Variants in MS4A14 observed in about 807,000 individuals in gnomAD.
MS4A14 encodes the protein membrane spanning 4-domains A14.
Under a neutral mutation model 16.7 loss-of-function variants are expected in MS4A14, and 18 were observed. The ratio of observed to expected loss-of-function variants is 1.08; its 90% CI spans 0.75 to 1.60. The LOEUF is 1.60. Ranked by LOEUF, MS4A14 falls within the 40% of genes most tolerant of loss-of-function variation. The pLI is 0.00. For missense variants in MS4A14, 812 were observed against 775.3 expected, an observed-to-expected ratio of 1.05 and a Z score of -0.56; for synonymous variants, 305 against 289.4, an observed-to-expected ratio of 1.05 and a Z score of -0.55.
At chr11:60,401,846 C>T (rs759146948) in intron 3 of MS4A14, among the ~76,000 whole-genome samples, 24 of 152,254 alleles carry the variant, frequency 1.6e-4, no homozygotes, top group Non-Finnish European at 3.4e-4. Context: ...TGTTCCTGTG[C>T]ATTTTCTGCC....
Position 60,403,018 on chromosome 11 carries a change from C to T in MS4A14, c.425C>T (p.Pro142Leu). The T allele has an allele frequency of 6.2e-7, 1 of 1,613,842 alleles. No homozygotes were observed. Among genetic ancestry groups the T allele is most frequent in the Non-Finnish European group, 8.5e-7 (1 of 1,179,786 alleles). ...CATCAAGACAAGTACTGCCAGATGC[C>T]ATCCTTTGAAGAAATATGTGTTTTC... is the stretch of plus-strand genomic sequence containing the variant. ...YRHQDKYCQM[P>L]SFEEICVFSR... is the part of the protein sequence containing the mutation. The change falls in exon 4 of 5, where the codon CCA becomes CTA. Residue 142 changes from proline (P) to leucine (L), a missense_variant. By Grantham distance (98) the Pro-to-Leu change is moderately conservative (BLOSUM62 -3). Transcript: ENST00000300187.
chr11:60,396,757 AAAG>A, intron 1 of MS4A14, 41 bp downstream of exon 1: 1 of 1,587,596 alleles, frequency 6.3e-7, no homozygotes, highest in South Asian at 1.1e-5. Context: ...GAAGGGGAGA[AAAG>A]AAGTTTATTT....
At chr11:60,402,348 G>A (rs1326175253) in intron 3 of MS4A14, among the ~76,000 whole-genome samples, 2 of 152,150 alleles carry the variant, frequency 1.3e-5, no homozygotes, top group East Asian at 3.9e-4. Context: ...GGGAATGACT[G>A]TAAACCACAT....
At chr11:60,406,345 C>T (rs1341039743) in intron 4 of MS4A14, among the ~76,000 whole-genome samples, 2 of 152,098 alleles carry the variant, frequency 1.3e-5, no homozygotes, top group African/African-American at 4.8e-5. Context: ...CACAGTTCCA[C>T]CACCACAAAA....
In MS4A14 at chr11:60,416,943, G is replaced by C. The variant is rs755140851; in HGVS notation, c.1975G>C (p.Gly659Arg). Residue 659 changes from glycine (G) to arginine (R), a missense_variant, in exon 5 of 5, where the codon GGC becomes CGC. Gly to Arg is a moderately radical substitution (Grantham distance 125, BLOSUM62 -2). Coordinates refer to ENST00000300187, the MANE Select transcript of MS4A14 (RefSeq NM_032597.5). ...ATACCAATTCTGGCAATTCCACAAA[G>C]GCAATCTCCAGGCTGGACAACCCAG... Reference protein sequence around the residue: ...QQYQFWQFHKGNLQAGQPRTV... With the variant: ...QQYQFWQFHKRNLQAGQPRTV... 2 of 1,613,690 alleles carry C rather than the reference G, an allele frequency of 1.2e-6. No homozygotes were observed. The highest frequency in any genetic ancestry group is 4.5e-5 in the East Asian group (2 of 44,856).
At chr11:60,414,283 C>G (rs770828164) in intron 4 of MS4A14, among the ~76,000 whole-genome samples, 33 of 152,056 alleles carry the variant, frequency 2.2e-4, no homozygotes, top group Non-Finnish European at 4.3e-4. Flanking sequence ...CATTTATACT[C>G]ACATAAATAG....
At chr11:60,405,309 C>A (rs562103566) in intron 4 of MS4A14, among the ~76,000 whole-genome samples, 3 of 152,288 alleles carry the variant, frequency 2.0e-5, no homozygotes, top group African/African-American at 7.2e-5. Flanking sequence ...AAACTCCCAA[C>A]CTCAGTTAAT....
rs749775351 is a variant in MS4A14, at chr11:60,415,611, A to G, written c.643A>G (p.Ser215Gly). 3.7e-6 allele frequency: 6 copies of G among 1,613,802 alleles called. No individual in the cohort carries two copies. Among genetic ancestry groups the G allele is most frequent in the African/African-American group, 1.3e-5 (1 of 75,010 alleles). ...YAFFKLTLSR[S>G]PLVSQPGNKG... ...TTTCTTCAAGTTAACACTCTCTAGG[A>G]GTCCTTTAGTCTCCCAACCAGGTAA... Residue 215 changes from serine (S) to glycine (G), a missense_variant, in exon 5 of 5, where the codon AGT (serine) becomes GGT (glycine). By Grantham distance (56) the Ser-to-Gly change is moderately conservative. Coordinates refer to ENST00000300187, the MANE Select transcript of MS4A14 (RefSeq NM_032597.5).
chr11:60,415,630 C>G lies in MS4A14; in HGVS notation c.662C>G (p.Pro221Arg). 6.2e-7 allele frequency: 1 copy of G among 1,613,790 alleles called. No homozygotes were observed. The highest frequency in any genetic ancestry group is 8.5e-7 in the Non-Finnish European group (1 of 1,179,820). Reference protein sequence around the residue: ...TLSRSPLVSQPGNKGREFVPD... With the variant: ...TLSRSPLVSQRGNKGREFVPD... ...TCTAGGAGTCCTTTAGTCTCCCAAC[C>G]AGGTAATAAAGGTAGAGAATTTGTG... Residue 221 changes from proline to arginine, a missense_variant, in exon 5 of 5, where the codon CCA (proline) becomes CGA (arginine). By Grantham distance (103) the Pro-to-Arg change is moderately radical. Coordinates refer to ENST00000300187, the MANE Select transcript of MS4A14 (RefSeq NM_032597.5).
At chr11:60,405,752 A>G in intron 4 of MS4A14, 1 of 571,948 alleles carries the variant, frequency 1.7e-6, no homozygotes, top group East Asian at 3.3e-5. Context: ...AAAATTGTGC[A>G]GTGTCTGATG....
At chr11:60,406,784 G>T (rs534263004) in intron 4 of MS4A14, among the ~76,000 whole-genome samples, 3 of 152,054 alleles carry the variant, frequency 2.0e-5, no homozygotes, top group African/African-American at 7.2e-5. Context: ...ATCCCGGAAG[G>T]TTCACTGGAA....
At chr11:60,397,063 C>A (rs1322985024) in intron 1 of MS4A14, among the ~76,000 whole-genome samples, 2 of 152,146 alleles carry the variant, frequency 1.3e-5, no homozygotes, top group Non-Finnish European at 2.9e-5. Context: ...CCACAGTGAA[C>A]CAAATGATAA....
At chr11:60,410,834 T>G (rs889420054) in intron 4 of MS4A14, among the ~76,000 whole-genome samples, 6 of 150,362 alleles carry the variant, frequency 4.0e-5, no homozygotes, top group South Asian at 2.1e-4. Context: ...TTTTTGGGTT[T>G]TTTTTTTTGT....
At chr11:60,405,805 T>G in intron 4 of MS4A14, 1 of 978,058 alleles carries the variant, frequency 1.0e-6, no homozygotes, top group Non-Finnish European at 1.5e-6. Context: ...TACTTGGTGA[T>G]AGAGTGTAAG....
Position 60,416,336 on chromosome 11 carries a change from A to G in MS4A14, c.1368A>G (p.Ser456=), listed in dbSNP as rs1050379046. Residue 456 remains serine, a synonymous_variant, in exon 5 of 5, where the codon TCA becomes TCG. Transcript: ENST00000300187. ...AAAACCAGCAAATTTTACAAATGTC[A>G]TATCAAGATATTAGATCAGAAGTTA... ...EPQNQQILQM[S]YQDIRSEVME... The G allele has an allele frequency of 1.9e-6, 3 of 1,613,932 alleles. No individual in the cohort carries two copies. The highest frequency in any genetic ancestry group is 2.7e-5 in the African/African-American group (2 of 74,928).
chr11:60,398,430 G>T (rs1372044239), intron 2 of MS4A14, among the ~76,000 whole-genome samples: 2 of 152,020 alleles, frequency 1.3e-5, no homozygotes, highest in East Asian at 3.9e-4. Flanking sequence ...TTTATGAGTG[G>T]CACTCATCTA....
rs2085963780 is a variant in MS4A14 at position 60,417,381 on chromosome 11, A to T, written c.*373A>T. 6.2e-6 allele frequency: 1 copy of T among 160,336 alleles called. No homozygotes were observed. Among genetic ancestry groups the T allele is most frequent in the Non-Finnish European group, 1.4e-5 (1 of 73,122 alleles). The allele number at this position is 160,336 out of a possible 1,614,324, so 9.9% of individuals were successfully genotyped here. The stretch of plus-strand genomic sequence containing the variant: ...TGTTTAGCCTATTTGTCCAATCTAG[A>T]TTCAGAACAAGATGTGCAACCAGAC... On this transcript the variant is annotated 3_prime_UTR_variant, in exon 5 of 5. Coordinates refer to ENST00000300187, the MANE Select transcript of MS4A14 (RefSeq NM_032597.5).
At chr11:60,407,192 T>C (rs1031433435) in intron 4 of MS4A14, among the ~76,000 whole-genome samples, 4 of 151,976 alleles carry the variant, frequency 2.6e-5, no homozygotes, top group Non-Finnish European at 1.5e-5. Context: ...ATTTTTTTTG[T>C]ATTTTTTTTG....
intron 4 of MS4A14, among the ~76,000 whole-genome samples, chr11:60,407,810 T>C (rs991013194): frequency 1.7e-4 from 20 of 119,756 alleles, no homozygotes; most frequent in Admixed American, 1.5e-3. Flanking sequence ...TAATTCTTAA[T>C]ACAAATCCTT....
Sources: allele counts gnomAD v4.1 joint callset (sites outside exome capture counted in the v4.1 genomes callset), GRCh38; gene constraint gnomAD v4.1.1; transcripts MANE v1.5; gene names NCBI Gene and HGNC (gene_info 2026-07-23, HGNC 2026-07-21).